Variants in PKHD1 observed in about 807,000 individuals in gnomAD.
The protein encoded by PKHD1 is fibrocystin.
A neutral mutation model predicts 412.0 loss-of-function variants in PKHD1; 291 were observed. The observed-to-expected ratio is 0.71, with a 90% CI of 0.64 to 0.78. The LOEUF (loss-of-function observed/expected upper bound fraction) is 0.78, where lower values mean the gene tolerates loss of function less well. Among genes scored for constraint, PKHD1 ranks in the 30% least tolerant of loss-of-function variants. PKHD1 has a pLI of 0.00. For missense variants in PKHD1, 4,825 were observed against 4,950.7 expected, an observed-to-expected ratio of 0.97 and a Z score of 0.76; for synonymous variants, 1,777 against 1,821.5, an observed-to-expected ratio of 0.98 and a Z score of 0.62.
intron 10 of PKHD1, 145 bp from the exon 11 acceptor site, chr6:52,069,672 A>C: frequency 4.0e-6 from 3 of 747,564 alleles, no homozygotes; most frequent in South Asian, 2.8e-5. Context: ...GGATAACTAA[A>C]GAACAATACC....
chr6:51,954,449 T>C (rs1445969731), intron 36 of PKHD1, among the ~76,000 whole-genome samples: 1 of 152,072 alleles, frequency 6.6e-6, no homozygotes, highest in Non-Finnish European at 1.5e-5. Flanking sequence ...AGCATTTAAC[T>C]GCTTTAGTAT....
chr6:52,056,134 G>T (rs1478201604), intron 18 of PKHD1, among the ~76,000 whole-genome samples: 1 of 152,172 alleles, frequency 6.6e-6, no homozygotes, highest in Non-Finnish European at 1.5e-5. Flanking sequence ...CCAGCTATAA[G>T]AAACTCATTC....
intron 55 of PKHD1, among the ~76,000 whole-genome samples, chr6:51,767,917 G>A (rs1208171070): frequency 6.6e-6 from 1 of 152,020 alleles, no homozygotes; most frequent in African/African-American, 2.4e-5. Flanking sequence ...GGTTGAACTA[G>A]TTTACAGTCC....
intron 60 of PKHD1, among the ~76,000 whole-genome samples, chr6:51,724,255 G>A (rs1782284467): frequency 6.6e-6 from 1 of 151,988 alleles, no homozygotes; most frequent in African/African-American, 2.4e-5. Flanking sequence ...TTGTCCTTAG[G>A]TCCCATTCAG....
At chr6:51,923,876 T>C (rs1785114095) in intron 37 of PKHD1, among the ~76,000 whole-genome samples, 1 of 152,142 alleles carries the variant, frequency 6.6e-6, no homozygotes, top group Non-Finnish European at 1.5e-5. Context: ...GTACACAAAA[T>C]AGAAGCGAGG....
At chr6:51,645,547 C>T (rs62461288) in intron 63 of PKHD1, among the ~76,000 whole-genome samples, 20 of 152,232 alleles carry the variant, frequency 1.3e-4, no homozygotes, top group African/African-American at 4.8e-4. Context: ...CGCATGCCCA[C>T]CATGCCCGGC....
At chr6:51,968,423 T>A (rs1793168957) in intron 35 of PKHD1, among the ~76,000 whole-genome samples, 2 of 152,160 alleles carry the variant, frequency 1.3e-5, no homozygotes, top group South Asian at 4.1e-4. Context: ...AGAGGAGCTG[T>A]GCTCACAGCT....
At chr6:51,791,192 A>G (rs368216648) in intron 53 of PKHD1, 44 bp downstream of exon 53, 307 of 1,599,484 alleles carry the variant, frequency 1.9e-4, no homozygotes, top group Middle Eastern at 1.0e-3. Flanking sequence ...CTTCTCACAG[A>G]ATATAATTCT....
At chr6:52,048,856 T>C (rs944708619) in intron 22 of PKHD1, among the ~76,000 whole-genome samples, 2 of 152,180 alleles carry the variant, frequency 1.3e-5, no homozygotes, top group African/African-American at 2.4e-5. Flanking sequence ...AGCCTACCGA[T>C]ATGGTGGGCT....
At chr6:52,049,616 A>G (rs1806445609) in intron 22 of PKHD1, among the ~76,000 whole-genome samples, 1 of 152,210 alleles carries the variant, frequency 6.6e-6, no homozygotes, top group Admixed American at 6.5e-5. Context: ...CCTGATCCTT[A>G]GTTACTGCTT....
chr6:51,866,976 G>A (rs934294984), intron 48 of PKHD1, among the ~76,000 whole-genome samples: 1 of 152,070 alleles, frequency 6.6e-6, no homozygotes, highest in Non-Finnish European at 1.5e-5. Context: ...CCAGTGCATC[G>A]CTAAGGCTTC....
At chr6:51,975,746 T>C (rs1794319650) in intron 35 of PKHD1, 1 of 151,690 alleles carries the variant, frequency 6.6e-6, no homozygotes, top group Admixed American at 6.6e-5. Flanking sequence ...GCTGTAGTAC[T>C]GCACTATGCA....
At chr6:51,806,821 T>C (rs996357040) in intron 52 of PKHD1, among the ~76,000 whole-genome samples, 1 of 152,002 alleles carries the variant, frequency 6.6e-6, no homozygotes, top group African/African-American at 2.4e-5. Context: ...GAGACAATTA[T>C]GGACTGAGAT....
chr6:51,626,388 A>C (rs764847738), intron 66 of PKHD1, among the ~76,000 whole-genome samples: 5 of 152,190 alleles, frequency 3.3e-5, no homozygotes, highest in African/African-American at 7.2e-5. Flanking sequence ...TATTTGCAGC[A>C]TTCTTAGTAG....
intron 44 of PKHD1, 84 bp downstream of exon 44, chr6:51,887,049 C>A: frequency 1.1e-6 from 1 of 886,632 alleles, no homozygotes. Flanking sequence ...AACAAATGCC[C>A]AAAGTGCTCT....
At chr6:51,862,345 T>C (rs1018908020) in intron 48 of PKHD1, among the ~76,000 whole-genome samples, 2 of 152,238 alleles carry the variant, frequency 1.3e-5, no homozygotes, top group African/African-American at 4.8e-5. Context: ...CCATGTAATA[T>C]TGTTGATGAT....
intron 65 of PKHD1, among the ~76,000 whole-genome samples, chr6:51,628,021 T>C (rs572302654): frequency 9.8e-5 from 15 of 152,290 alleles, no homozygotes; most frequent in African/African-American, 3.6e-4. Flanking sequence ...AGTAATGCCA[T>C]AACATGGCAT....
chr6:52,069,502 G>C lies in PKHD1; in HGVS notation c.733C>G (p.Leu245Val), dbSNP rs111809699. Residue 245 changes from leucine (L) to valine (V), a missense_variant, in exon 11 of 67, where the codon CTG becomes GTG. Leu to Val is a conservative substitution (Grantham distance 32). Coordinates refer to ENST00000371117, the MANE Select transcript of PKHD1 (RefSeq NM_138694.4). ...GKSMVHKKAW[L>V]ISAKQDLFLY... ...AAAAGATCCTGTTTAGCACTGATCA[G>C]CCATGCCTTCTTGTGGACCATTGAC... 1 of 1,613,324 alleles carries C rather than the reference G, an allele frequency of 6.2e-7. No homozygotes were observed. Among genetic ancestry groups the C allele is most frequent in the Non-Finnish European group, 8.5e-7 (1 of 1,179,300 alleles).
chr6:51,935,318 A>G (rs1787298653), intron 36 of PKHD1, among the ~76,000 whole-genome samples: 1 of 146,744 alleles, frequency 6.8e-6, no homozygotes, highest in African/African-American at 2.4e-5. Flanking sequence ...TTTAAAAATT[A>G]AAAAGATATT....
Sources: allele counts gnomAD v4.1 joint callset (sites outside exome capture counted in the v4.1 genomes callset), GRCh38; gene constraint gnomAD v4.1.1; transcripts MANE v1.5; gene names NCBI Gene and HGNC (gene_info 2026-07-23, HGNC 2026-07-21).